Variants in MUC12 observed in about 807,000 individuals in gnomAD.
The protein encoded by MUC12 is mucin 12, cell surface associated.
MUC12 carries 172 observed loss-of-function variants against 230.8 expected under a neutral mutation model. The observed-to-expected ratio is 0.75, with a 90% CI of 0.66 to 0.85. The LOEUF is 0.85. Ranked by LOEUF, MUC12 falls within the 40% of genes least tolerant of loss-of-function variation. The pLI is 0.00. For synonymous variants in MUC12, 1,259 were observed against 2,401.9 expected (o/e 0.52, Z 13.91); for missense variants, 3,506 against 5,920.6 (o/e 0.59, Z 13.38).
chr7:100,992,075 C>G lies in MUC12; in HGVS notation c.1512C>G (p.Asp504Glu). The change falls in exon 2 of 12, where the codon GAC becomes GAG. Residue 504 changes from aspartate (D) to glutamate (E), a missense_variant. By Grantham distance (45) the Asp-to-Glu change is conservative. Transcript: ENST00000536621. Reference protein sequence around the residue: ...TTFYSSPRSPDTTHLPASMTS... With the variant: ...TTFYSSPRSPETTHLPASMTS... ...TCTACAGTAGCCCCAGATCACCAGA[C>G]ACAACACACTTACCTGCCAGCATGA... 3 of 1,537,320 alleles carry G rather than the reference C, an allele frequency of 2.0e-6. No homozygotes were observed. Among genetic ancestry groups the G allele is most frequent in the Non-Finnish European group, 2.6e-6 (3 of 1,146,682 alleles).
intron 1 of MUC12, among the ~76,000 whole-genome samples, chr7:100,988,097 C>T (rs1031387173): frequency 2.0e-5 from 3 of 151,552 alleles, no homozygotes; most frequent in Non-Finnish European, 2.9e-5. Flanking sequence ...GTTAGGAGTT[C>T]GAGATCTGCC....
At chr7:101,017,228 G>T in intron 10 of MUC12, 1 of 223,286 alleles carries the variant, frequency 4.5e-6, no homozygotes. Flanking sequence ...CTATGAAGGA[G>T]GGCGGCCCTG....
rs372074826 is a variant in MUC12, at chr7:100,992,083, A to G, written c.1520A>G (p.His507Arg). 1.4e-5 allele frequency: 21 copies of G among 1,536,914 alleles called. No homozygotes were observed. In the South Asian group the frequency reaches 1.7e-4, roughly 12 times the overall value. The change falls in exon 2 of 12, where the codon CAC (histidine) becomes CGC (arginine). Residue 507 changes from histidine (H) to arginine (R), a missense_variant. By Grantham distance (29) the His-to-Arg change is conservative (BLOSUM62 0). Transcript: ENST00000536621. ...AGCCCCAGATCACCAGACACAACAC[A>G]CTTACCTGCCAGCATGACAAGCTCA... ...YSSPRSPDTTHLPASMTSSGV... is the reference protein window; with the variant it reads ...YSSPRSPDTTRLPASMTSSGV...
Position 100,992,111 on chromosome 7 carries a change from C to G in MUC12, c.1548C>G (p.Gly516=). 2 of 1,537,338 alleles carry G rather than the reference C, an allele frequency of 1.3e-6. No individual in the cohort carries two copies. The highest frequency in any genetic ancestry group is 2.4e-5 in the East Asian group (1 of 40,858). The part of the protein sequence containing the change: ...THLPASMTSS[G]VSEESTTSHS... ...TACCTGCCAGCATGACAAGCTCAGG[C>G]GTCAGTGAAGAATCCACCACCTCCC... The change falls in exon 2 of 12, where the codon GGC becomes GGG. Residue 516 remains glycine (G), a synonymous_variant. Coordinates refer to ENST00000536621, the MANE Select transcript of MUC12 (RefSeq NM_001164462.2).
At chr7:101,018,553 G>A (rs1018384340) in intron 11 of MUC12, 42 bp from the exon 12 acceptor site, 31 of 1,456,246 alleles carry the variant, frequency 2.1e-5, no homozygotes, top group African/African-American at 4.3e-5. Flanking sequence ...CCCCTTTCCC[G>A]GGTCTGCCCC....
intron 11 of MUC12, 102 bp downstream of exon 11, chr7:101,017,765 C>A: frequency 1.3e-6 from 1 of 750,212 alleles, no homozygotes; most frequent in Non-Finnish European, 2.0e-6. Flanking sequence ...ACTCCCTTCT[C>A]CCCCTGGGAC....
chr7:101,005,607 C>CT, intron 2 of MUC12, 88 bp downstream of exon 2: 1 of 1,398,186 alleles, frequency 7.2e-7, no homozygotes, highest in South Asian at 1.5e-5. Context: ...TCTCTTGGTT[C>CT]TTTTCCTCTG....
At position 100,969,637 on chromosome 7, in the gene MUC12, G is replaced by T; in HGVS notation, c.15G>T (p.Trp5Cys). The change falls in exon 1 of 12, where the codon TGG becomes TGT. Residue 5 changes from tryptophan (W) to cysteine (C), a missense_variant. Physicochemically the swap from Trp to Cys is radical, Grantham distance 215 (BLOSUM62 -2). Coordinates refer to ENST00000536621, the MANE Select transcript of MUC12 (RefSeq NM_001164462.2). MLVI[W>C]ILTLALRLCA... ...TTCCCCGGGAGATGCTGGTGATCTG[G>T]ATTCTGACGCTGGCTCTCCGGCTCT... 2.6e-6 allele frequency: 4 copies of T among 1,537,428 alleles called. No homozygotes were observed. Among genetic ancestry groups the T allele is most frequent in the Non-Finnish European group, 3.5e-6 (4 of 1,146,950 alleles).
intron 11 of MUC12, 49 bp downstream of exon 11, chr7:101,017,712 T>A (rs1417003752): frequency 7.3e-7 from 1 of 1,374,554 alleles, no homozygotes; most frequent in Non-Finnish European, 9.9e-7. Context: ...CTCCACTTCC[T>A]CTGGGGTTCC....
chr7:100,969,810 A>C (rs1203392175), intron 1 of MUC12, 121 bp downstream of exon 1: 13 of 1,410,424 alleles, frequency 9.2e-6, no homozygotes, highest in African/African-American at 1.4e-5. Flanking sequence ...AGGGGCTGCC[A>C]CAGGGCTGGA....
intron 1 of MUC12, among the ~76,000 whole-genome samples, chr7:100,973,850 C>T (rs1468797997): frequency 6.6e-6 from 1 of 150,962 alleles, no homozygotes; most frequent in Non-Finnish European, 1.5e-5. Context: ...GACACCCCAT[C>T]TCTAAAAAAA....
At position 100,992,473 on chromosome 7, in the gene MUC12, G is replaced by A. The variant is rs1562783232; in HGVS notation, c.1910G>A (p.Trp637Ter). 4.6e-6 allele frequency: 7 copies of A among 1,537,878 alleles called. No individual in the cohort carries two copies. The highest frequency in any genetic ancestry group is 6.1e-6 in the Non-Finnish European group (7 of 1,147,032). ...RQGESTTFHS[W>*]PSSKDTRPAP... is the part of the protein sequence containing the mutation. ...GGAGAATCTACCACATTCCATAGCT[G>A]GCCAAGCTCAAAGGACACTAGGCCT... Residue 637 changes from tryptophan to a stop codon, truncating the protein, a stop_gained, in exon 2 of 12, where the codon TGG becomes TAG. Transcript: ENST00000536621. LOFTEE classifies it high-confidence loss of function.
intron 6 of MUC12, 94 bp from the exon 7 acceptor site, chr7:101,012,725 G>A: frequency 7.2e-7 from 1 of 1,379,602 alleles, no homozygotes; most frequent in East Asian, 2.5e-5. Context: ...TGGCCCAGGG[G>A]AGGGCATGGT....
At chr7:101,016,167 A>G (rs944907017) in intron 10 of MUC12, among the ~76,000 whole-genome samples, 1 of 152,102 alleles carries the variant, frequency 6.6e-6, no homozygotes, top group Non-Finnish European at 1.5e-5. Context: ...GGCAGGGGGC[A>G]CTGCATGAGA....
intron 1 of MUC12, among the ~76,000 whole-genome samples, 196 bp downstream of exon 1, chr7:100,969,885 T>A (rs141793234): frequency 1.1e-3 from 175 of 152,344 alleles, no homozygotes; most frequent in African/African-American, 3.9e-3. Context: ...GACCTGTGGG[T>A]GCCTGTGGTT....
chr7:101,007,181 A>G (rs1033581052), intron 3 of MUC12, among the ~76,000 whole-genome samples: 5 of 152,186 alleles, frequency 3.3e-5, no homozygotes, highest in African/African-American at 4.8e-5. Flanking sequence ...CTGGTATGGA[A>G]CTACTGATCT....
At chr7:101,013,248 T>TG in intron 8 of MUC12, 106 bp downstream of exon 8, 1 of 1,281,362 alleles carries the variant, frequency 7.8e-7, no homozygotes, top group Non-Finnish European at 1.1e-6. Context: ...GCTTGGGAGG[T>TG]GCCTCCTCCC....
intron 9 of MUC12, 116 bp downstream of exon 9, chr7:101,014,190 C>A: frequency 7.8e-7 from 1 of 1,278,992 alleles, no homozygotes; most frequent in Non-Finnish European, 1.0e-6. Context: ...GAGAGGTCAG[C>A]TGAGGCCAGA....
At chr7:100,976,657 T>C (rs68171838) in intron 1 of MUC12, among the ~76,000 whole-genome samples, 54,936 of 151,918 alleles carry the variant, frequency 0.36, 11,284 homozygotes, top group East Asian at 0.58. Flanking sequence ...TGGACACTTT[T>C]ATAATATTAT....
Sources: allele counts gnomAD v4.1 joint callset (sites outside exome capture counted in the v4.1 genomes callset), GRCh38; gene constraint gnomAD v4.1.1; transcripts MANE v1.5; gene names NCBI Gene and HGNC (gene_info 2026-07-23, HGNC 2026-07-21).